SLC1A7: variants seen among roughly 807,000 people sequenced by gnomAD.
SLC1A7 encodes excitatory amino acid transporter 5.
SLC1A7 carries 40 observed loss-of-function variants against 47.7 expected under a neutral mutation model. That is an observed-to-expected ratio of 0.84 (90% CI 0.65 to 1.09). SLC1A7 has a LOEUF of 1.09. SLC1A7 is among the 50% of genes least tolerant of loss of function. The pLI is 0.00. For missense variants in SLC1A7, 746 were observed against 769.5 expected, an observed-to-expected ratio of 0.97 and a Z score of 0.36; for synonymous variants, 323 against 325.6, an observed-to-expected ratio of 0.99 and a Z score of 0.09.
chr1:53,103,026 G>A, intron 5 of SLC1A7: 1 of 258,248 alleles, frequency 3.9e-6, no homozygotes, highest in Non-Finnish European at 7.3e-6. Flanking sequence ...CCAAGGTGCG[G>A]GCCTCCAAGG....
intron 1 of SLC1A7, among the ~76,000 whole-genome samples, chr1:53,140,923 T>C (rs1371058059): frequency 6.6e-6 from 1 of 151,784 alleles, no homozygotes; most frequent in East Asian, 1.9e-4. Flanking sequence ...TCTCCAGGAG[T>C]GGGTGTTTTC....
chr1:53,118,225 G>C (rs969565395), intron 2 of SLC1A7, among the ~76,000 whole-genome samples: 1 of 152,268 alleles, frequency 6.6e-6, no homozygotes, highest in Non-Finnish European at 1.5e-5. Flanking sequence ...GCTGTTAAAG[G>C]TGACTTTTCT....
chr1:53,118,046 C>T (rs992976747), intron 2 of SLC1A7, among the ~76,000 whole-genome samples: 1 of 152,254 alleles, frequency 6.6e-6, no homozygotes, highest in Non-Finnish European at 1.5e-5. Context: ...GTGCCAGGGC[C>T]ACCGCAGGTG....
chr1:53,101,956 G>A (rs1644588823), intron 5 of SLC1A7, among the ~76,000 whole-genome samples: 1 of 152,202 alleles, frequency 6.6e-6, no homozygotes, highest in Non-Finnish European at 1.5e-5. Flanking sequence ...ACCTGCCTCA[G>A]TACACTCACA....
intron 5 of SLC1A7, among the ~76,000 whole-genome samples, chr1:53,093,865 C>T (rs955191290): frequency 6.6e-6 from 1 of 152,210 alleles, no homozygotes; most frequent in Non-Finnish European, 1.5e-5. Context: ...CTGCCTCACC[C>T]AGCTCGATGC....
chr1:53,116,501 G>T (rs1644762700), intron 2 of SLC1A7, among the ~76,000 whole-genome samples: 1 of 152,378 alleles, frequency 6.6e-6, no homozygotes, highest in South Asian at 2.1e-4. Context: ...ATCCTCATCT[G>T]CCAGGATGCC....
Position 53,092,648 on chromosome 1 carries a change from G to C in SLC1A7, c.937C>G (p.Pro313Ala). 6.2e-7 allele frequency: 1 copy of C among 1,614,174 alleles called. No individual in the cohort carries two copies. Among genetic ancestry groups the C allele is most frequent in the South Asian group, 1.1e-5 (1 of 91,084 alleles). The change falls in exon 7 of 11, where the codon CCC (proline) becomes GCC (alanine). Residue 313 changes from proline to alanine, a missense_variant. Pro to Ala is a conservative substitution (Grantham distance 27). Transcript: ENST00000371494. Reference sequence around the variant, plus strand: ...TTGGTGATGAAGAAGTAGAGCAGGGGCAGGATAAAGAGCCCGTGGAGCACC... The same window carrying C: ...TTGGTGATGAAGAAGTAGAGCAGGGCCAGGATAAAGAGCCCGTGGAGCACC... Reference protein sequence around the residue: ...GLVLHGLFILPLLYFFITKKN... With the variant: ...GLVLHGLFILALLYFFITKKN...
At chr1:53,139,667 C>A (rs545492136) in intron 1 of SLC1A7, among the ~76,000 whole-genome samples, 1 of 152,272 alleles carries the variant, frequency 6.6e-6, no homozygotes, top group Non-Finnish European at 1.5e-5. Context: ...GACTTGGTAT[C>A]AACTTCCACA....
chr1:53,129,277 G>A (rs78097577), intron 2 of SLC1A7, among the ~76,000 whole-genome samples: 2,668 of 151,490 alleles, frequency 0.018, 412 homozygotes, highest in African/African-American at 0.058. Context: ...CTTACTTTTC[G>A]TAATAACCTC....
At chr1:53,101,747 T>C (rs10888765) in intron 5 of SLC1A7, among the ~76,000 whole-genome samples, 130,293 of 146,540 alleles carry the variant, frequency 0.89, 58,029 homozygotes, top group Middle Eastern at 0.97. Context: ...TCATACACCC[T>C]GCCTCAGTAC....
intron 1 of SLC1A7, among the ~76,000 whole-genome samples, chr1:53,139,623 G>C (rs972934493): frequency 7.9e-5 from 12 of 152,296 alleles, no homozygotes; most frequent in African/African-American, 2.9e-4. Context: ...GCAGCATCTT[G>C]CTCTGTTACG....
intron 1 of SLC1A7, among the ~76,000 whole-genome samples, chr1:53,140,288 A>G (rs1242635604): frequency 4.6e-5 from 7 of 152,252 alleles, no homozygotes; most frequent in Admixed American, 4.6e-4. Flanking sequence ...TTGGCTTTTA[A>G]TAATAGGCAT....
chr1:53,108,624 C>T (rs570494707), intron 3 of SLC1A7: 30 of 717,882 alleles, frequency 4.2e-5, no homozygotes, highest in Non-Finnish European at 7.8e-5. Context: ...CTCCAACTTT[C>T]TTCTTTCTGC....
At chr1:53,088,266 A>G in intron 10 of SLC1A7, 39 bp from the exon 11 acceptor site, 1 of 1,521,568 alleles carries the variant, frequency 6.6e-7, no homozygotes, top group Non-Finnish European at 8.9e-7. Context: ...AGCAGGAGGG[A>G]CCAAGGTTAG....
At chr1:53,091,030 G>T in intron 7 of SLC1A7, 1 of 1,357,690 alleles carries the variant, frequency 7.4e-7, no homozygotes, top group Non-Finnish European at 9.8e-7. Flanking sequence ...GGAAGCTGAC[G>T]CCCAGAGGGC....
At chr1:53,114,068 G>T (rs185775844) in intron 3 of SLC1A7, among the ~76,000 whole-genome samples, 1 of 152,296 alleles carries the variant, frequency 6.6e-6, no homozygotes, top group South Asian at 2.1e-4. Context: ...CAGGGCAAGG[G>T]CTGGCTCTGA....
In SLC1A7 at chr1:53,092,598, A is replaced by G. The variant is rs1288406; in HGVS notation, c.987T>C (p.Arg329=). Residue 329 remains arginine, a synonymous_variant, in exon 7 of 11, where the codon CGT becomes CGC. Transcript: ENST00000371494. ...CGATGAGCAGAGCCTGCAGGATGCCACGGATGAAGACGATGGGATTCTTCT... is the reference window on the plus strand; with the variant it reads ...CGATGAGCAGAGCCTGCAGGATGCCGCGGATGAAGACGATGGGATTCTTCT... ...ITKKNPIVFI[R]GILQALLIAL... is the part of the protein sequence containing the mutation. 1,360,763 of 1,613,898 alleles carry G rather than the reference A, an allele frequency of 0.84. 574,969 individuals are homozygous for G. Among genetic ancestry groups the G allele is most frequent in the East Asian group, 0.96 (43,020 of 44,864 alleles).
chr1:53,122,931 G>C (rs1436072436), intron 2 of SLC1A7, among the ~76,000 whole-genome samples: 1 of 152,188 alleles, frequency 6.6e-6, no homozygotes, highest in African/African-American at 2.4e-5. Context: ...AGGTGGGAGA[G>C]AGTGTGGGGC....
In SLC1A7 at chr1:53,114,833, G is replaced by A. The variant is rs141274422; in HGVS notation, c.356C>T (p.Ala119Val). ...CTGCTCCGTGGTCTCCTTCTGGGCC[G>A]CGCTGCCTGGGTGGATGATGGAGAC... ...FMVSIIHPGS[A>V]AQKETTEQSG... is the part of the protein sequence containing the mutation. The change falls in exon 3 of 11, where the codon GCG (alanine) becomes GTG (valine). Residue 119 changes from alanine (A) to valine (V), a missense_variant. Ala to Val is a moderately conservative substitution (Grantham distance 64, BLOSUM62 0). Coordinates refer to ENST00000371494, the MANE Select transcript of SLC1A7 (RefSeq NM_006671.6). 34 of 1,614,074 alleles carry A rather than the reference G, an allele frequency of 2.1e-5. No individual in the cohort carries two copies. The African/African-American group carries it at 2.5e-4, about 12-fold the overall frequency.
Sources: gnomAD v4.1 joint callset for allele counts (sites outside exome capture counted in the v4.1 genomes callset) on GRCh38, gnomAD v4.1.1 for gene constraint, MANE v1.5 for transcripts, NCBI Gene and HGNC (gene_info 2026-07-23, HGNC 2026-07-21) for gene names.